Variants in SCARB1 observed in about 807,000 individuals in gnomAD.
SCARB1 encodes the protein scavenger receptor class B member 1.
In SCARB1, 30 loss-of-function variants were observed where a neutral mutation model predicts 57.2. The ratio of observed to expected loss-of-function variants is 0.52; its 90% confidence interval spans 0.39 to 0.71. The LOEUF (loss-of-function observed/expected upper bound fraction) is 0.71. Ranked by LOEUF, SCARB1 falls within the 30% of genes least tolerant of loss-of-function variation. The pLI, the probability that SCARB1 is intolerant of heterozygous loss-of-function variation, is 0.00. For missense variants in SCARB1, 543 were observed against 671.2 expected (o/e 0.81, Z 2.11); for synonymous variants, 249 against 268.3 (o/e 0.93, Z 0.70).
chr12:124,863,766 T>A lies in SCARB1; in HGVS notation c.-46A>T. On this transcript the variant is annotated 5_prime_UTR_variant, in exon 1 of 13. Transcript: ENST00000261693. ...CCCGCGGCTCGCAGGGCTCCGCGCCTGGCAGGAGACGGGGACGGCGACAGA... is the reference window on the plus strand; with the variant it reads ...CCCGCGGCTCGCAGGGCTCCGCGCCAGGCAGGAGACGGGGACGGCGACAGA... 7.1e-7 allele frequency: 1 copy of A among 1,401,542 alleles called. No individual in the cohort carries two copies. The highest frequency in any genetic ancestry group is 9.3e-7 in the Non-Finnish European group (1 of 1,079,774). The allele number at this position is 1,401,542 out of a possible 1,614,324, so 86.8% of individuals were successfully genotyped here. A position where few individuals can be genotyped will look rare whatever the true frequency, so the allele number is the denominator to read the frequency against.
chr12:124,806,378 T>C (rs1594250481), intron 7 of SCARB1, among the ~76,000 whole-genome samples: 1 of 152,128 alleles, frequency 6.6e-6, no homozygotes. Context: ...TGGCACACAA[T>C]TGAGACACAC....
chr12:124,860,210 C>T (rs1952837435), intron 1 of SCARB1, among the ~76,000 whole-genome samples: 1 of 152,198 alleles, frequency 6.6e-6, no homozygotes, highest in African/African-American at 2.4e-5. Context: ...ATAATGAAGA[C>T]ATGGTTCAGA....
At chr12:124,843,672 T>G (rs1952009041) in intron 1 of SCARB1, among the ~76,000 whole-genome samples, 1 of 151,832 alleles carries the variant, frequency 6.6e-6, no homozygotes, top group Non-Finnish European at 1.5e-5. Context: ...AAGTTAAGGA[T>G]CCCAAGATGA....
chr12:124,782,790 T>C lies in SCARB1; in HGVS notation c.1423A>G (p.Ser475Gly). Residue 475 changes from serine (S) to glycine (G), a missense_variant, in exon 12 of 13, where the codon AGT (serine) becomes GGT (glycine). Transcript: ENST00000261693. ...RSQEKCYLFWSSSKKGSKDKE... is the reference protein window; with the variant it reads ...RSQEKCYLFWGSSKKGSKDKE... ...TCCTTTGAGCCCTTTTTACTACTAC[T>C]CCAAAATAAATAGCATTTCTCCTAG... 3 of 1,613,790 alleles carry C rather than the reference T, an allele frequency of 1.9e-6. No individual in the cohort carries two copies. Among genetic ancestry groups the C allele is most frequent in the Non-Finnish European group, 2.5e-6 (3 of 1,179,710 alleles).
intron 1 of SCARB1, among the ~76,000 whole-genome samples, chr12:124,849,298 T>G (rs942722906): frequency 1.3e-5 from 2 of 152,072 alleles, no homozygotes; most frequent in African/African-American, 2.4e-5. Flanking sequence ...CACGGGTGCA[T>G]CTGGGCAGCT....
intron 1 of SCARB1, among the ~76,000 whole-genome samples, chr12:124,824,845 C>T (rs1951074577): frequency 1.3e-5 from 2 of 152,352 alleles, no homozygotes; most frequent in Non-Finnish European, 1.5e-5. Flanking sequence ...TGAGGGAATA[C>T]GCACCTTCCC....
intron 1 of SCARB1, among the ~76,000 whole-genome samples, chr12:124,829,567 C>A (rs950281979): frequency 4.6e-5 from 7 of 152,186 alleles, no homozygotes; most frequent in Non-Finnish European, 7.3e-5. Context: ...TCTGCTCCAG[C>A]CACACTGGCC....
chr12:124,837,743 A>T (rs1406145655), intron 1 of SCARB1, among the ~76,000 whole-genome samples: 2 of 14,394 alleles, frequency 1.4e-4, no homozygotes, highest in Non-Finnish European at 6.3e-4. Flanking sequence ...ACCAACCTAT[A>T]AAAAAAAAAA....
chr12:124,819,115 A>T (rs1452561779), intron 1 of SCARB1, among the ~76,000 whole-genome samples: 1 of 141,702 alleles, frequency 7.1e-6, no homozygotes, highest in Non-Finnish European at 1.5e-5. Context: ...GTGTCCAAGC[A>T]ACACCCTGTC....
At chr12:124,827,455 G>A (rs1356665656) in intron 1 of SCARB1, among the ~76,000 whole-genome samples, 1 of 152,152 alleles carries the variant, frequency 6.6e-6, no homozygotes, top group Non-Finnish European at 1.5e-5. Context: ...AGGGCCAGGT[G>A]GTGGCGCCAA....
Position 124,835,262 on chromosome 12 carries a change from A to ATTT in SCARB1, c.127-17558_127-17556dup, listed in dbSNP as rs35607122. ...CCGGTCTATTTTTATGTATGTTTGA[A>ATTT]TTTTTTTTTTTTAAGAGACAGGGTC... On this transcript the variant is annotated intron_variant, in intron 1 of 12. Coordinates refer to ENST00000261693, the MANE Select transcript of SCARB1 (RefSeq NM_005505.5). 3.3e-4 allele frequency among the ~76,000 whole-genome samples: 49 copies of ATTT among 148,460 alleles called. 1 individual carries two copies. Among genetic ancestry groups the ATTT allele is most frequent in the Admixed American group, 2.2e-3 (33 of 14,890 alleles).
Position 124,863,585 on chromosome 12 carries a change from C to T in SCARB1, c.126+10G>A. 3 of 1,601,772 alleles carry T rather than the reference C, an allele frequency of 1.9e-6. No homozygotes were observed. The highest frequency in any genetic ancestry group is 2.3e-5 in the East Asian group (1 of 44,052). ...CCGTGCGCGGACCCCCTGGGGTCTC[C>T]CTCACCCACCTTAAGGACCTGCTGC... On this transcript the variant is annotated intron_variant, in intron 1 of 12. Coordinates refer to ENST00000261693, the MANE Select transcript of SCARB1 (RefSeq NM_005505.5).
chr12:124,860,799 A>G (rs1319994680), intron 1 of SCARB1, among the ~76,000 whole-genome samples: 1 of 152,250 alleles, frequency 6.6e-6, no homozygotes, highest in Admixed American at 6.5e-5. Context: ...ATAACCATTC[A>G]AAGGAATACC....
intron 1 of SCARB1, among the ~76,000 whole-genome samples, chr12:124,851,888 T>G (rs1165766646): frequency 6.6e-6 from 1 of 152,130 alleles, no homozygotes; most frequent in Non-Finnish European, 1.5e-5. Flanking sequence ...ATTACAGGCA[T>G]GACACCTGTA....
rs1383306967 is a variant in SCARB1 at position 124,817,870 on chromosome 12, G to T, written c.127-163C>A. On this transcript the variant is annotated intron_variant, in intron 1 of 12. Transcript: ENST00000261693. This position sits in a 1 kb window ranked among gnomAD's most constrained non-coding sequence, Gnocchi z 4.8. ...AAAGCCCTTCGCACATGAGGCTGTC[G>T]CACCTGGAGCTTATGGAATTAAACA... is the stretch of plus-strand genomic sequence containing the variant. Among the ~76,000 whole-genome samples, 1 of 152,162 alleles carries T rather than the reference G, an allele frequency of 6.6e-6. No individual in the cohort carries two copies. The highest frequency in any genetic ancestry group is 1.5e-5 in the Non-Finnish European group (1 of 68,026).
intron 4 of SCARB1, among the ~76,000 whole-genome samples, chr12:124,813,590 C>T (rs532777698): frequency 2.6e-5 from 4 of 152,316 alleles, no homozygotes; most frequent in African/African-American, 4.8e-5. Flanking sequence ...GATGCCTTTA[C>T]AGCATCATGC....
chr12:124,791,633 G>A (rs1486811838), intron 9 of SCARB1, among the ~76,000 whole-genome samples: 3 of 152,182 alleles, frequency 2.0e-5, no homozygotes, highest in African/African-American at 4.8e-5. Flanking sequence ...CTGAGGGGCG[G>A]TGACGAAAGT....
At chr12:124,831,105 A>G (rs1276062616) in intron 1 of SCARB1, among the ~76,000 whole-genome samples, 1 of 152,018 alleles carries the variant, frequency 6.6e-6, no homozygotes, top group Non-Finnish European at 1.5e-5. Flanking sequence ...CCCCCCAAGT[A>G]GCTGGGATTA....
Position 124,814,412 on chromosome 12 carries a change from G to T in SCARB1, c.427-7C>A. ...CCATCATCACCGCCGCACCCTGCAA[G>T]GCGAAGGGACACTAGTGTCAGAGGC... On this transcript the variant is annotated splice_polypyrimidine_tract_variant and splice_region_variant and intron_variant, in intron 3 of 12. Coordinates refer to ENST00000261693, the MANE Select transcript of SCARB1 (RefSeq NM_005505.5). This position sits in a 1 kb window ranked among gnomAD's most constrained non-coding sequence, Gnocchi z 4.7. 2 of 1,612,986 alleles carry T rather than the reference G, an allele frequency of 1.2e-6. No homozygotes were observed. The highest frequency in any genetic ancestry group is 1.7e-6 in the Non-Finnish European group (2 of 1,179,942).
Sources: gnomAD v4.1 joint callset for allele counts (sites outside exome capture counted in the v4.1 genomes callset) on GRCh38, gnomAD v4.1.1 for gene constraint, Gnocchi (gnomAD v3.1) non-coding constraint, MANE v1.5 for transcripts, NCBI Gene and HGNC (gene_info 2026-07-23, HGNC 2026-07-21) for gene names.